The following EXOC6B variants were observed in gnomAD, a reference collection of about 807,000 sequenced individuals.
EXOC6B encodes exocyst complex component 6B.
EXOC6B carries 54 observed loss-of-function variants against 113.5 expected under a neutral mutation model. The observed-to-expected ratio is 0.48, with a 90% CI of 0.38 to 0.60. The LOEUF is 0.60. Among genes scored for constraint, EXOC6B ranks in the 20% least tolerant of loss-of-function variants. The probability of loss-of-function intolerance (pLI) is 0.00; values close to 1 mark genes in which losing one functional copy is unlikely to be tolerated. For missense variants in EXOC6B, 797 were observed against 977.5 expected, an observed-to-expected ratio of 0.82 and a Z score of 2.46; for synonymous variants, 357 against 339.0, an observed-to-expected ratio of 1.05 and a Z score of -0.58.
intron 6 of EXOC6B, among the ~76,000 whole-genome samples, chr2:72,661,954 T>G (rs989832695): frequency 6.7e-6 from 1 of 150,342 alleles, no homozygotes; most frequent in East Asian, 2.0e-4. Context: ...TGAAAAACAA[T>G]TCAATAGAGA....
intron 20 of EXOC6B, among the ~76,000 whole-genome samples, chr2:72,206,659 A>C (rs1679857454): frequency 6.6e-6 from 1 of 152,230 alleles, no homozygotes. Context: ...AGGGACACAC[A>C]GTAGAACCTC....
At chr2:72,791,750 T>C (rs369728805) in intron 1 of EXOC6B, among the ~76,000 whole-genome samples, 2 of 152,170 alleles carry the variant, frequency 1.3e-5, no homozygotes, top group African/African-American at 2.4e-5. Context: ...TTTAATGAAG[T>C]CATCTTTTTA....
At chr2:72,406,355 A>T (rs1288617120) in intron 18 of EXOC6B, among the ~76,000 whole-genome samples, 1 of 152,106 alleles carries the variant, frequency 6.6e-6, no homozygotes, top group African/African-American at 2.4e-5. Context: ...AAGCAGACCT[A>T]ATAGACATCT....
intron 18 of EXOC6B, among the ~76,000 whole-genome samples, chr2:72,434,369 T>G (rs551350114): frequency 5.3e-5 from 8 of 152,340 alleles, no homozygotes; most frequent in African/African-American, 1.9e-4. Context: ...AAATTTTCTT[T>G]TTTTATTGTG....
chr2:72,647,055 T>C (rs1673779332), intron 6 of EXOC6B, among the ~76,000 whole-genome samples: 1 of 151,984 alleles, frequency 6.6e-6, no homozygotes, highest in Non-Finnish European at 1.5e-5. Context: ...GAAAACCCCA[T>C]CTCCTTGGGT....
At chr2:72,754,744 G>A (rs978120790) in intron 1 of EXOC6B, among the ~76,000 whole-genome samples, 2 of 151,066 alleles carry the variant, frequency 1.3e-5, no homozygotes, top group South Asian at 2.1e-4. Flanking sequence ...CTCCTAAGTA[G>A]CTGGGATTAC....
At chr2:72,287,430 C>CAAAAAA (rs60011551) in intron 20 of EXOC6B, among the ~76,000 whole-genome samples, 2 of 105,278 alleles carry the variant, frequency 1.9e-5, no homozygotes, top group Non-Finnish European at 2.1e-5. Flanking sequence ...GACTTCATCT[C>CAAAAAA]AAAAAAAAAA....
At chr2:72,559,724 T>C (rs1703779433) in intron 7 of EXOC6B, among the ~76,000 whole-genome samples, 1 of 152,062 alleles carries the variant, frequency 6.6e-6, no homozygotes, top group African/African-American at 2.4e-5. Flanking sequence ...CGTGAAGATA[T>C]ACACCAAGGC....
At chr2:72,301,272 T>C (rs536502249) in intron 20 of EXOC6B, among the ~76,000 whole-genome samples, 3 of 152,364 alleles carry the variant, frequency 2.0e-5, no homozygotes, top group Admixed American at 6.5e-5. Flanking sequence ...GATTTTTGTG[T>C]CAATGTTCGT....
intron 1 of EXOC6B, among the ~76,000 whole-genome samples, chr2:72,811,243 G>A (rs1204234297): frequency 1.3e-5 from 2 of 152,116 alleles, no homozygotes; most frequent in African/African-American, 4.8e-5. Context: ...CCTGGAAGGC[G>A]GAGGTTGCAG....
chr2:72,616,912 A>C (rs1455533246), intron 6 of EXOC6B, among the ~76,000 whole-genome samples: 1 of 152,218 alleles, frequency 6.6e-6, no homozygotes, highest in African/African-American at 2.4e-5. Context: ...ATCTGAGACA[A>C]GGCAAGTCCC....
At chr2:72,575,779 T>C in intron 6 of EXOC6B, 111 bp from the exon 7 acceptor site, 1 of 1,010,846 alleles carries the variant, frequency 9.9e-7, no homozygotes, top group Non-Finnish European at 1.4e-6. Flanking sequence ...AACAAACTTC[T>C]AATTTTGAAC....
chr2:72,731,450 T>C (rs1219763997), intron 3 of EXOC6B, among the ~76,000 whole-genome samples: 2 of 152,106 alleles, frequency 1.3e-5, no homozygotes, highest in African/African-American at 4.8e-5. Flanking sequence ...ATACATACAA[T>C]ACTAGGAAGG....
intron 1 of EXOC6B, among the ~76,000 whole-genome samples, chr2:72,784,086 T>C (rs2105005725): frequency 6.6e-6 from 1 of 152,314 alleles, no homozygotes; most frequent in Admixed American, 6.5e-5. Flanking sequence ...CCCAGCACTA[T>C]TGATTAAAGA....
intron 6 of EXOC6B, among the ~76,000 whole-genome samples, chr2:72,658,846 G>A (rs1674799178): frequency 6.6e-6 from 1 of 151,948 alleles, no homozygotes; most frequent in Admixed American, 6.5e-5. Context: ...TCTTAAAATG[G>A]CCAGATGAAA....
intron 18 of EXOC6B, among the ~76,000 whole-genome samples, chr2:72,449,904 T>C (rs913543725): frequency 1.3e-5 from 2 of 152,192 alleles, no homozygotes; most frequent in Non-Finnish European, 2.9e-5. Flanking sequence ...CTATTCTCTG[T>C]CACAATGTTG....
intron 11 of EXOC6B, among the ~76,000 whole-genome samples, chr2:72,507,628 C>T (rs189954447): frequency 2.6e-5 from 4 of 152,182 alleles, no homozygotes; most frequent in African/African-American, 7.2e-5. Flanking sequence ...GCTATCACCT[C>T]TTTAATCCCT....
intron 20 of EXOC6B, among the ~76,000 whole-genome samples, chr2:72,312,796 C>T (rs1246221268): frequency 9.4e-6 from 1 of 106,610 alleles, no homozygotes; most frequent in Non-Finnish European, 1.8e-5. Context: ...ACAAAAACGA[C>T]AACCAAAAAA....
At chr2:72,743,267 C>T (rs1046711060) in intron 1 of EXOC6B, among the ~76,000 whole-genome samples, 1 of 152,132 alleles carries the variant, frequency 6.6e-6, no homozygotes, top group Non-Finnish European at 1.5e-5. Flanking sequence ...TCCATCTACT[C>T]CACCCCCTGC....
Sources: allele counts gnomAD v4.1 joint callset (sites outside exome capture counted in the v4.1 genomes callset), GRCh38; gene constraint gnomAD v4.1.1; transcripts MANE v1.5; gene names NCBI Gene and HGNC (gene_info 2026-07-23, HGNC 2026-07-21).